Variants in HTRA3 observed in about 807,000 individuals in gnomAD.
HTRA3 encodes HtrA serine peptidase 3.
HTRA3 carries 41 observed loss-of-function variants against 43.2 expected under a neutral mutation model. The ratio of observed to expected loss-of-function variants is 0.95; its 90% confidence interval spans 0.74 to 1.23. HTRA3 has a LOEUF of 1.23. HTRA3 is among the 50% of genes most tolerant of loss of function. The probability of loss-of-function intolerance (pLI) is 0.00; values close to 1 mark genes in which losing one functional copy is unlikely to be tolerated. For synonymous variants in HTRA3, 295 were observed against 287.9 expected, an observed-to-expected ratio of 1.02 and a Z score of -0.25; for missense variants, 628 against 647.1, an observed-to-expected ratio of 0.97 and a Z score of 0.32.
intron 6 of HTRA3, among the ~76,000 whole-genome samples, chr4:8,298,835 T>A (rs1713544312): frequency 6.6e-6 from 1 of 152,232 alleles, no homozygotes; most frequent in South Asian, 2.1e-4. Context: ...CAGCTGTCTG[T>A]GTTTAGGCCA....
intron 6 of HTRA3, among the ~76,000 whole-genome samples, 158 bp from the exon 7 acceptor site, chr4:8,302,305 C>A (rs1311897041): frequency 6.6e-6 from 1 of 152,152 alleles, no homozygotes; most frequent in African/African-American, 2.4e-5. Context: ...GAGAGGGCAG[C>A]TTTGCTGGAC....
At position 8,302,220 on chromosome 4, in the gene HTRA3, C is replaced by T. The variant is rs146918130; in HGVS notation, c.1052-243C>T. Among the ~76,000 whole-genome samples, 328 of 152,190 alleles carry T rather than the reference C, an allele frequency of 2.2e-3. 1 individual carries two copies. The highest frequency in any genetic ancestry group is 7.3e-3 in the African/African-American group (304 of 41,516). ...AGCTCACATGGTTGGATGCAGGATG[C>T]GGTGGACATGAAGCCACCTGTGGGG... On this transcript the variant is annotated intron_variant, in intron 6 of 8. Transcript: ENST00000307358.
At chr4:8,281,038 G>A (rs1178007650) in intron 1 of HTRA3, among the ~76,000 whole-genome samples, 3 of 152,200 alleles carry the variant, frequency 2.0e-5, no homozygotes, top group East Asian at 1.9e-4. Flanking sequence ...GGGCAGGGGG[G>A]TTCTTCTTAC....
At chr4:8,287,545 G>A (rs969545900) in intron 3 of HTRA3, among the ~76,000 whole-genome samples, 2 of 152,162 alleles carry the variant, frequency 1.3e-5, no homozygotes, top group African/African-American at 2.4e-5. Flanking sequence ...TCATGGCAGA[G>A]CCGGAGAGAG....
At position 8,270,063 on chromosome 4, in the gene HTRA3, C is replaced by G. The variant is rs776132683; in HGVS notation, c.95C>G (p.Ser32Trp). 6 of 1,493,996 alleles carry G rather than the reference C, an allele frequency of 4.0e-6. No individual in the cohort carries two copies. The highest frequency in any genetic ancestry group is 8.8e-7 in the Non-Finnish European group (1 of 1,131,336). 92.5% of individuals were successfully genotyped at this position (1,493,996 alleles called of 1,614,324 possible). A position where few individuals can be genotyped will look rare whatever the true frequency, so the allele number is the denominator to read the frequency against. The stretch of plus-strand genomic sequence containing the variant: ...CCGTGTCCCGCGCGCTGCGACGTGT[C>G]GCGGTGTCCCAGCCCCCGCTGCCCC... Reference protein sequence around the residue: ...AAPCPARCDVSRCPSPRCPGG... With the variant: ...AAPCPARCDVWRCPSPRCPGG... Residue 32 changes from serine to tryptophan, a missense_variant, in exon 1 of 9, where the codon TCG (serine) becomes TGG (tryptophan). Ser to Trp is a radical substitution (Grantham distance 177). Transcript: ENST00000307358.
rs542215747 is a variant in HTRA3, at chr4:8,273,256, C to T, written c.385+2903C>T. On this transcript the variant is annotated intron_variant, in intron 1 of 8. Transcript: ENST00000307358. ...TCGGGTCAGGCCTGGGCCCCCGGCT[C>T]CATCAGGCTCAGCCTCCATGGAGTA... Among the ~76,000 whole-genome samples, 10 of 152,308 alleles carry T rather than the reference C, an allele frequency of 6.6e-5. No individual in the cohort carries two copies. The South Asian group carries it at 2.1e-3, about 32-fold the overall frequency.
rs1280693786 is a variant in HTRA3 at position 8,304,437 on chromosome 4, AG to A, written c.1196+159del. The stretch of plus-strand genomic sequence containing the variant: ...TGTCTGCTAAGCCAGAGGAGGCTGG[AG>A]AGCTGAATGGTCCCTAGAGCCCTGA... On this transcript the variant is annotated intron_variant, in intron 8 of 8. Coordinates refer to ENST00000307358, the MANE Select transcript of HTRA3 (RefSeq NM_053044.5). Among the ~76,000 whole-genome samples the A allele has an allele frequency of 5.3e-5, 8 of 152,242 alleles. No individual in the cohort carries two copies. The East Asian group carries it at 1.5e-3, about 29-fold the overall frequency.
intron 1 of HTRA3, among the ~76,000 whole-genome samples, chr4:8,276,411 G>T (rs547937625): frequency 6.6e-6 from 1 of 152,376 alleles, no homozygotes; most frequent in Non-Finnish European, 1.5e-5. Context: ...TCTTACAGAA[G>T]TGGAGTTAGT....
At chr4:8,303,201 C>T (rs1007163760) in intron 7 of HTRA3, among the ~76,000 whole-genome samples, 1 of 152,222 alleles carries the variant, frequency 6.6e-6, no homozygotes, top group Non-Finnish European at 1.5e-5. Flanking sequence ...AAGGTGCCTC[C>T]TCATAGCACA....
At chr4:8,298,843 C>CCAATATTCAGTACTGCA (rs1713544600) in intron 6 of HTRA3, among the ~76,000 whole-genome samples, 2 of 152,174 alleles carry the variant, frequency 1.3e-5, no homozygotes, top group Admixed American at 1.3e-4. Flanking sequence ...TGTGTTTAGG[C>CCAATATTCAGTACTGCA]CAATATTCAG....
In HTRA3 at chr4:8,305,364, C is replaced by T. The variant is rs10010719; in HGVS notation, c.1197-607C>T. On this transcript the variant is annotated intron_variant, in intron 8 of 8. Transcript: ENST00000307358. ...CACACATCTCAGTTAATCCTCACTGCAGCCAGGGAGGTGCAGGCTCCTGCC... is the reference window on the plus strand; with the variant it reads ...CACACATCTCAGTTAATCCTCACTGTAGCCAGGGAGGTGCAGGCTCCTGCC... 4.8e-3 allele frequency among the ~76,000 whole-genome samples: 737 copies of T among 152,392 alleles called. 12 individuals are homozygous for T. Among genetic ancestry groups the T allele is most frequent in the African/African-American group, 0.017 (708 of 41,600 alleles).
intron 7 of HTRA3, among the ~76,000 whole-genome samples, chr4:8,303,961 C>G (rs2153007420): frequency 6.6e-6 from 1 of 152,324 alleles, no homozygotes; most frequent in Non-Finnish European, 1.5e-5. Context: ...TCTACCCACT[C>G]TCTCTCCTCT....
intron 8 of HTRA3, among the ~76,000 whole-genome samples, chr4:8,305,549 A>G (rs1049258413): frequency 6.6e-6 from 1 of 152,232 alleles, no homozygotes; most frequent in Admixed American, 6.5e-5. Flanking sequence ...AGCCTCATGC[A>G]GAGAGAAGGC....
At chr4:8,298,500 G>A (rs191814926) in intron 6 of HTRA3, among the ~76,000 whole-genome samples, 23 of 145,546 alleles carry the variant, frequency 1.6e-4, no homozygotes, top group African/African-American at 5.8e-4. Context: ...CAGAAGTTTT[G>A]TAAATTTTGA....
chr4:8,274,975 A>C (rs1712459641), intron 1 of HTRA3, among the ~76,000 whole-genome samples: 1 of 152,232 alleles, frequency 6.6e-6, no homozygotes. Flanking sequence ...CTGGGGCTGC[A>C]CATGCCTTGG....
At chr4:8,277,595 C>T (rs1301328545) in intron 1 of HTRA3, among the ~76,000 whole-genome samples, 1 of 152,188 alleles carries the variant, frequency 6.6e-6, no homozygotes, top group African/African-American at 2.4e-5. Context: ...GGGCATATTC[C>T]CAGAGGAGGG....
chr4:8,278,748 C>A (rs1295796477), intron 1 of HTRA3, among the ~76,000 whole-genome samples: 1 of 152,218 alleles, frequency 6.6e-6, no homozygotes, highest in Non-Finnish European at 1.5e-5. Flanking sequence ...ATCCAGCAGA[C>A]CTGGGCCAGC....
chr4:8,280,248 G>A (rs1712690150), intron 1 of HTRA3, among the ~76,000 whole-genome samples: 2 of 152,288 alleles, frequency 1.3e-5, no homozygotes, highest in Admixed American at 6.5e-5. Flanking sequence ...CACATGGGGC[G>A]CCAGCCTCAG....
chr4:8,282,484 G>T lies in HTRA3; in HGVS notation c.433G>T (p.Asp145Tyr). The T allele has an allele frequency of 6.2e-7, 1 of 1,614,134 alleles. No individual in the cohort carries two copies. Among genetic ancestry groups the T allele is most frequent in the South Asian group, 1.1e-5 (1 of 91,062 alleles). Reference protein sequence around the residue: ...SPRYKFNFIADVVEKIAPAVV... With the variant: ...SPRYKFNFIAYVVEKIAPAVV... Reference sequence around the variant, plus strand: ...GCGCTACAAGTTCAACTTCATTGCTGACGTGGTGGAGAAGATCGCACCAGC... The same window carrying T: ...GCGCTACAAGTTCAACTTCATTGCTTACGTGGTGGAGAAGATCGCACCAGC... Residue 145 changes from aspartate (D) to tyrosine (Y), a missense_variant, in exon 2 of 9, where the codon GAC becomes TAC. By Grantham distance (160) the Asp-to-Tyr change is radical. Transcript: ENST00000307358.
Sources: gnomAD v4.1 joint callset for allele counts (sites outside exome capture counted in the v4.1 genomes callset) on GRCh38, gnomAD v4.1.1 for gene constraint, MANE v1.5 for transcripts, NCBI Gene and HGNC (gene_info 2026-07-23, HGNC 2026-07-21) for gene names.